STPG2: variants seen among roughly 807,000 people sequenced by gnomAD.
STPG2 encodes sperm-tail PG-rich repeat-containing protein 2.
STPG2 carries 56 observed loss-of-function variants against 54.2 expected under a neutral mutation model. The ratio of observed to expected loss-of-function variants is 1.03; its 90% CI spans 0.83 to 1.29. STPG2 has a LOEUF of 1.29. Ranked by LOEUF, STPG2 falls within the 50% of genes most tolerant of loss-of-function variation. The probability of loss-of-function intolerance (pLI) is 0.00; values close to 1 mark genes in which losing one functional copy is unlikely to be tolerated. For synonymous variants in STPG2, 200 were observed against 181.8 expected, an observed-to-expected ratio of 1.10 and a Z score of -0.81; for missense variants, 596 against 544.9, an observed-to-expected ratio of 1.09 and a Z score of -0.93.
rs929795912 is a variant in STPG2, at chr4:98,107,491, G to C, written c.501-1427C>G. ...AGGTTAAAACACAAATGGAAGAAGA[G>C]GAAAAACAGGAGAAATAACAAAGAT... On this transcript the variant is annotated intron_variant, in intron 4 of 10. Coordinates refer to ENST00000295268, the MANE Select transcript of STPG2 (RefSeq NM_174952.3). 2.2e-4 allele frequency among the ~76,000 whole-genome samples: 34 copies of C among 151,882 alleles called. 1 individual carries two copies. Among genetic ancestry groups the C allele is most frequent in the Non-Finnish European group, 1.5e-5 (1 of 67,960 alleles).
At chr4:97,986,539 A>G (rs1734837395) in intron 5 of STPG2, among the ~76,000 whole-genome samples, 1 of 152,226 alleles carries the variant, frequency 6.6e-6, no homozygotes, top group African/African-American at 2.4e-5. Context: ...GCAAGCCTAT[A>G]TAGCTTACAT....
intron 5 of STPG2, among the ~76,000 whole-genome samples, chr4:98,090,357 G>A (rs774392936): frequency 1.3e-5 from 2 of 151,974 alleles, no homozygotes; most frequent in Non-Finnish European, 2.9e-5. Context: ...TTAGTTAGTT[G>A]GCTGTAAGTA....
intron 9 of STPG2, among the ~76,000 whole-genome samples, chr4:97,825,013 G>C (rs1227872475): frequency 6.6e-6 from 1 of 151,936 alleles, no homozygotes; most frequent in African/African-American, 2.4e-5. Context: ...GCTAAAATCA[G>C]GTAATAAGAA....
chr4:97,956,360 T>C (rs1228650853), intron 7 of STPG2, among the ~76,000 whole-genome samples: 1 of 152,130 alleles, frequency 6.6e-6, no homozygotes, highest in Non-Finnish European at 1.5e-5. Context: ...TTATAATATT[T>C]GATTAATCCA....
At chr4:97,553,347 C>T (rs1241633598) in intron 4 of STPG2, among the ~76,000 whole-genome samples, 1 of 152,130 alleles carries the variant, frequency 6.6e-6, no homozygotes, top group East Asian at 1.9e-4. Context: ...AAACAGTCAT[C>T]AGACTGTTGT....
chr4:97,951,880 A>G (rs6811476), intron 7 of STPG2, among the ~76,000 whole-genome samples: 4,372 of 152,188 alleles, frequency 0.029, 194 homozygotes, highest in African/African-American at 0.098. Context: ...GCAATATGTA[A>G]TGGTAGGCAG....
chr4:97,849,709 A>C lies in STPG2; in HGVS notation c.1045-8777T>G, dbSNP rs1578619535. ...TGGCCATCAGAGAAATGCAAATCAAAACCACTATGAGATACCATCTCACAC... is the reference window on the plus strand; with the variant it reads ...TGGCCATCAGAGAAATGCAAATCAACACCACTATGAGATACCATCTCACAC... On this transcript the variant is annotated intron_variant, in intron 8 of 10. Transcript: ENST00000295268. Among the ~76,000 whole-genome samples the C allele has an allele frequency of 1.8e-4, 27 of 152,084 alleles. No homozygotes were observed. In the South Asian group the frequency reaches 5.6e-3, roughly 32 times the overall value.
rs550579835 is a variant in STPG2, at chr4:97,870,155, C to T, written c.1045-29223G>A. 4.6e-5 allele frequency among the ~76,000 whole-genome samples: 7 copies of T among 151,578 alleles called. No homozygotes were observed. The South Asian group carries it at 1.2e-3, about 27-fold the overall frequency. ...ATCCTAAGGGATTAAAATTATTTCT[C>T]CCAGAAAACACAATATGTATGTTCT... On this transcript the variant is annotated intron_variant, in intron 8 of 10. Transcript: ENST00000295268.
intron 9 of STPG2, among the ~76,000 whole-genome samples, chr4:97,774,856 G>A (rs542978284): frequency 2.3e-3 from 350 of 152,210 alleles, no homozygotes; most frequent in Non-Finnish European, 4.0e-3. Context: ...AATGGCTACT[G>A]AGGTTCCAGG....
At chr4:97,781,022 C>T (rs144901902) in intron 9 of STPG2, among the ~76,000 whole-genome samples, 6,116 of 152,076 alleles carry the variant, frequency 0.04, 406 homozygotes, top group African/African-American at 0.14. Flanking sequence ...ATTAAAAGAA[C>T]TAGAGAAGCA....
intron 8 of STPG2, among the ~76,000 whole-genome samples, chr4:97,923,215 G>C (rs996624735): frequency 6.6e-6 from 1 of 152,240 alleles, no homozygotes; most frequent in Non-Finnish European, 1.5e-5. Flanking sequence ...GATGGCCCAG[G>C]CCGGAGCCAG....
intron 7 of STPG2, among the ~76,000 whole-genome samples, chr4:97,965,633 G>C (rs1047506041): frequency 6.6e-6 from 1 of 152,150 alleles, no homozygotes; most frequent in Non-Finnish European, 1.5e-5. Flanking sequence ...CCTCTGGGAC[G>C]AAGCTTCCAG....
intron 10 of STPG2, among the ~76,000 whole-genome samples, chr4:97,622,397 G>T (rs561466844): frequency 6.6e-6 from 1 of 152,040 alleles, no homozygotes; most frequent in Non-Finnish European, 1.5e-5. Flanking sequence ...CTGCCCAAAA[G>T]TTTCTTGATT....
intron 10 of STPG2, among the ~76,000 whole-genome samples, chr4:97,646,980 A>G (rs185109135): frequency 5.9e-5 from 9 of 152,250 alleles, no homozygotes; most frequent in Admixed American, 6.5e-5. Flanking sequence ...GATCAATAAC[A>G]TTGTTCATAG....
chr4:97,938,210 T>G (rs1390966863), intron 8 of STPG2, among the ~76,000 whole-genome samples: 1 of 152,160 alleles, frequency 6.6e-6, no homozygotes, highest in Non-Finnish European at 1.5e-5. Context: ...GAATATCTCC[T>G]GGAACCAAGT....
At position 97,772,495 on chromosome 4, in the gene STPG2, T is replaced by C. The variant is rs1024243966; in HGVS notation, c.1205-59681A>G. ...GATAACTTTAGGAAGAATAAATCCTTTTTTAACAATAAAGGCTTATCAAAA... is the reference window on the plus strand; with the variant it reads ...GATAACTTTAGGAAGAATAAATCCTCTTTTAACAATAAAGGCTTATCAAAA... On this transcript the variant is annotated intron_variant, in intron 9 of 10. Coordinates refer to ENST00000295268, the MANE Select transcript of STPG2 (RefSeq NM_174952.3). Among the ~76,000 whole-genome samples, 4 of 152,176 alleles carry C rather than the reference T, an allele frequency of 2.6e-5. No individual in the cohort carries two copies. The South Asian group carries it at 8.3e-4, about 31-fold the overall frequency.
intron 3 of STPG2, among the ~76,000 whole-genome samples, chr4:98,113,123 C>A (rs916536790): frequency 1.3e-5 from 2 of 151,452 alleles, no homozygotes; most frequent in African/African-American, 2.4e-5. Context: ...CGAAGAAAGA[C>A]ATCATCATCC....
intron 10 of STPG2, among the ~76,000 whole-genome samples, chr4:97,628,383 G>T (rs1038871725): frequency 6.6e-6 from 1 of 151,984 alleles, no homozygotes; most frequent in Non-Finnish European, 1.5e-5. Flanking sequence ...TGAATAATTT[G>T]AACTACATAG....
chr4:97,949,368 C>A (rs1243671251), intron 7 of STPG2, among the ~76,000 whole-genome samples: 1 of 152,078 alleles, frequency 6.6e-6, no homozygotes, highest in African/African-American at 2.4e-5. Flanking sequence ...TTTTTCTTAT[C>A]TAATCTGCCA....
Sources: allele counts gnomAD v4.1 joint callset (sites outside exome capture counted in the v4.1 genomes callset), GRCh38; gene constraint gnomAD v4.1.1; transcripts MANE v1.5; gene names NCBI Gene and HGNC (gene_info 2026-07-23, HGNC 2026-07-21).